Variants in GRIA3 observed in about 807,000 individuals in gnomAD.
GRIA3 encodes glutamate receptor 3.
Under a neutral mutation model 63.0 loss-of-function variants are expected in GRIA3, and 3 were observed. That is an observed-to-expected ratio of 0.05 (90% CI 0.02 to 0.12). The LOEUF (loss-of-function observed/expected upper bound fraction) is 0.12, where lower values mean the gene tolerates loss of function less well. Among genes scored for constraint, GRIA3 ranks in the 10% least tolerant of loss-of-function variants. The probability of loss-of-function intolerance (pLI) is 1.00; values close to 1 mark genes in which losing one functional copy is unlikely to be tolerated. For missense variants in GRIA3, 347 were observed against 700.9 expected (o/e 0.50, Z 5.70); for synonymous variants, 274 against 257.9 (o/e 1.06, Z -0.60).
chrX:123,306,755 C>A (rs1400226357), intron 3 of GRIA3, among the ~76,000 whole-genome samples: 1 of 111,882 alleles, frequency 8.9e-6, no homozygotes, highest in Non-Finnish European at 1.9e-5. Flanking sequence ...GTAGGGGAGC[C>A]TAGGGTTGAA....
At chrX:123,411,997 C>T (rs1000174727) in intron 10 of GRIA3, among the ~76,000 whole-genome samples, 1 of 111,645 alleles carries the variant, frequency 9.0e-6, no homozygotes, top group African/African-American at 3.3e-5. Context: ...CTCCCTAACC[C>T]CATCCATAAT....
chrX:123,379,847 T>A (rs1385660138), intron 5 of GRIA3, among the ~76,000 whole-genome samples: 1 of 89,118 alleles, frequency 1.1e-5, no homozygotes, highest in South Asian at 6.5e-4. Flanking sequence ...CCTGTGTCCA[T>A]GTGTTCTCAT....
chrX:123,385,685 T>C (rs2045350625), intron 5 of GRIA3, among the ~76,000 whole-genome samples: 1 of 112,173 alleles, frequency 8.9e-6, no homozygotes, highest in South Asian at 3.7e-4. Context: ...TTTGTAATTC[T>C]CATTGTACAG....
At chrX:123,223,402 C>T (rs985429209) in intron 2 of GRIA3, among the ~76,000 whole-genome samples, 3 of 112,783 alleles carry the variant, frequency 2.7e-5, no homozygotes, top group Non-Finnish European at 5.6e-5. Context: ...GACAACCTAA[C>T]GTTTTCTTAA....
intron 2 of GRIA3, among the ~76,000 whole-genome samples, chrX:123,216,720 A>G (rs965333565): frequency 2.8e-4 from 31 of 112,226 alleles, no homozygotes; most frequent in African/African-American, 9.4e-4. Flanking sequence ...TACGAATAGC[A>G]CAGATATTGT....
In GRIA3 at chrX:123,327,181, A is replaced by T. The variant is rs577207677; in HGVS notation, c.696+968A>T. Among the ~76,000 whole-genome samples, 3 of 111,456 alleles carry T rather than the reference A, an allele frequency of 2.7e-5. No homozygotes were observed. The East Asian group carries it at 8.5e-4, about 31-fold the overall frequency. ...ACCATTTTTAAATAAGAAGTGGCAT[A>T]TGAGAAAAATGTTTATGCTTTTAAA... On this transcript the variant is annotated intron_variant, in intron 4 of 15. Transcript: ENST00000620443.
intron 13 of GRIA3, among the ~76,000 whole-genome samples, chrX:123,468,069 C>T (rs1159233376): frequency 8.9e-6 from 1 of 112,274 alleles, no homozygotes; most frequent in Admixed American, 9.5e-5. Flanking sequence ...GTCATTCCTA[C>T]AGCCAGTCTT....
At chrX:123,195,375 C>A (rs1200581669) in intron 2 of GRIA3, among the ~76,000 whole-genome samples, 1 of 112,174 alleles carries the variant, frequency 8.9e-6, no homozygotes, top group Admixed American at 9.4e-5. Context: ...AATGCATAAG[C>A]AACTAGCTCA....
chrX:123,265,554 T>A (rs1022606976), intron 3 of GRIA3, among the ~76,000 whole-genome samples: 1 of 111,931 alleles, frequency 8.9e-6, no homozygotes, highest in Non-Finnish European at 1.9e-5. Flanking sequence ...TTAAGTAGGC[T>A]GAAGAGGAAG....
intron 4 of GRIA3, among the ~76,000 whole-genome samples, chrX:123,339,596 C>T (rs1176987002): frequency 8.9e-6 from 1 of 112,039 alleles, no homozygotes; most frequent in Non-Finnish European, 1.9e-5. Context: ...CCTAACTCAG[C>T]TTGACTCAGA....
chrX:123,324,321 A>T (rs751665716), intron 3 of GRIA3, among the ~76,000 whole-genome samples: 1 of 112,512 alleles, frequency 8.9e-6, no homozygotes, highest in South Asian at 3.7e-4. Context: ...TTTCATTAAC[A>T]TTATTATTTA....
intron 13 of GRIA3, chrX:123,465,939 A>G (rs2045831243): frequency 2.0e-6 from 1 of 506,820 alleles, no homozygotes; most frequent in Non-Finnish European, 3.5e-6. Flanking sequence ...AACCAAAAAG[A>G]CTTTAGGGCA....
intron 14 of GRIA3, among the ~76,000 whole-genome samples, chrX:123,482,489 T>C (rs772265382): frequency 4.5e-5 from 5 of 111,908 alleles, no homozygotes; most frequent in Admixed American, 9.5e-5. Flanking sequence ...TATGCTTGTG[T>C]TTACTCTTTT....
At chrX:123,242,952 G>A (rs1424617699) in intron 2 of GRIA3, among the ~76,000 whole-genome samples, 1 of 112,097 alleles carries the variant, frequency 8.9e-6, no homozygotes, top group Non-Finnish European at 1.9e-5. Flanking sequence ...AAAGTCATAA[G>A]CACTTTACAC....
At position 123,233,004 on chromosome X, in the gene GRIA3, C is replaced by T. The variant is rs181862759; in HGVS notation, c.269-20299C>T. 4.3e-3 allele frequency among the ~76,000 whole-genome samples: 474 copies of T among 110,483 alleles called. 4 individuals are homozygous for T. The highest frequency in any genetic ancestry group is 5.9e-3 in the Non-Finnish European group (312 of 52,743). ...AATCAATGAAGGCAAAGATTTGTGTCTTCTTACTCACTGTCATATTCCCAC... is the reference window on the plus strand; with the variant it reads ...AATCAATGAAGGCAAAGATTTGTGTTTTCTTACTCACTGTCATATTCCCAC... On this transcript the variant is annotated intron_variant, in intron 2 of 15. Coordinates refer to ENST00000620443, the MANE Select transcript of GRIA3 (RefSeq NM_007325.5).
At chrX:123,465,752 C>A in intron 13 of GRIA3, 1 of 1,209,963 alleles carries the variant, frequency 8.3e-7, no homozygotes, top group East Asian at 3.0e-5. Context: ...GGTGGTACGA[C>A]AAAGGAGAGT....
chrX:123,326,651 T>C (rs1331855756), intron 4 of GRIA3, among the ~76,000 whole-genome samples: 2 of 111,516 alleles, frequency 1.8e-5, no homozygotes, highest in African/African-American at 6.5e-5. Flanking sequence ...TTCCAGACCC[T>C]TCTAAAGATC....
intron 2 of GRIA3, among the ~76,000 whole-genome samples, chrX:123,249,796 G>T (rs988894953): frequency 3.6e-5 from 4 of 111,578 alleles, no homozygotes; most frequent in African/African-American, 1.3e-4. Context: ...CCTTGTCTGA[G>T]TCACAACCAG....
rs775751556 is a variant in GRIA3 at position 123,403,098 on chromosome X, A to C, written c.1185A>C (p.Lys395Asn). 4 of 1,009,545 alleles carry C rather than the reference A, an allele frequency of 4.0e-6. No homozygotes were observed. Among genetic ancestry groups the C allele is most frequent in the Non-Finnish European group, 5.6e-6 (4 of 711,479 alleles). 83.2% of individuals were successfully genotyped at this position (1,009,545 alleles called of 1,213,427 possible). Residue 395 changes from lysine to asparagine, a missense_variant and splice_region_variant, in exon 8 of 16, where the codon AAA becomes AAC. Coordinates refer to ENST00000620443, the MANE Select transcript of GRIA3 (RefSeq NM_007325.5). The part of the protein sequence containing the change: ...VYEMKVSGSR[K>N]AGYWNEYERF... ...AAATGAAAGTCAGTGGCTCTCGAAA[A>C]GTAAGTAACCAAAACAGACATTTAA...
Sources: gnomAD v4.1 joint callset for allele counts (sites outside exome capture counted in the v4.1 genomes callset) on GRCh38, gnomAD v4.1.1 for gene constraint, MANE v1.5 for transcripts, NCBI Gene and HGNC (gene_info 2026-07-23, HGNC 2026-07-21) for gene names.